EGF: variants seen among roughly 807,000 people sequenced by gnomAD.
EGF encodes epidermal growth factor.
EGF carries 95 observed loss-of-function variants against 143.8 expected under a neutral mutation model. The ratio of observed to expected loss-of-function variants is 0.66; its 90% CI spans 0.56 to 0.78. The LOEUF (loss-of-function observed/expected upper bound fraction) is 0.78, where lower values mean the gene tolerates loss of function less well. Ranked by LOEUF, EGF falls within the 30% of genes least tolerant of loss-of-function variation. EGF has a pLI of 0.00. For missense variants in EGF, 1,320 were observed against 1,470.9 expected, an observed-to-expected ratio of 0.90 and a Z score of 1.68; for synonymous variants, 510 against 510.5, an observed-to-expected ratio of 1.00 and a Z score of 0.01.
intron 1 of EGF, among the ~76,000 whole-genome samples, chr4:109,933,641 C>G (rs1418088702): frequency 6.6e-6 from 1 of 152,016 alleles, no homozygotes; most frequent in Non-Finnish European, 1.5e-5. Flanking sequence ...TCTCATTGTT[C>G]AACACCCACT....
chr4:109,987,296 C>T (rs929869788), intron 16 of EGF, among the ~76,000 whole-genome samples: 7 of 152,056 alleles, frequency 4.6e-5, no homozygotes, highest in Admixed American at 3.3e-4. Context: ...GACTTTGGGA[C>T]TATGCATCTC....
At chr4:109,980,225 G>C (rs550828651) in intron 14 of EGF, 86 bp downstream of exon 14, 8 of 1,395,996 alleles carry the variant, frequency 5.7e-6, no homozygotes, top group Non-Finnish European at 7.7e-6. Flanking sequence ...TTGGCGGGGG[G>C]GTGGAGGGGA....
chr4:109,919,780 T>C (rs1301790725), intron 1 of EGF, among the ~76,000 whole-genome samples: 1 of 151,454 alleles, frequency 6.6e-6, no homozygotes, highest in Non-Finnish European at 1.5e-5. Context: ...CAGAAAGGTC[T>C]AGGATGGAAA....
rs1333174024 is a variant in EGF, at chr4:109,944,693, C to T, written c.738-380C>T. On this transcript the variant is annotated intron_variant, in intron 4 of 23. Transcript: ENST00000265171. ...GAATTATGATGTTACATATTTTTAT[C>T]TTTCATTGATTTGCTATCATGCCAG... 3.3e-5 allele frequency among the ~76,000 whole-genome samples: 5 copies of T among 152,300 alleles called. No homozygotes were observed. In the South Asian group the frequency reaches 8.3e-4, roughly 25 times the overall value.
intron 15 of EGF, among the ~76,000 whole-genome samples, chr4:109,982,298 C>T (rs1025485868): frequency 2.0e-5 from 3 of 151,282 alleles, no homozygotes; most frequent in African/African-American, 7.3e-5. Flanking sequence ...TGTAAGCTAC[C>T]CTGCCCAGCC....
rs577493075 is a variant in EGF at position 109,983,096 on chromosome 4, G to A, written c.2372-326G>A. 7.9e-5 allele frequency among the ~76,000 whole-genome samples: 12 copies of A among 152,252 alleles called. No individual in the cohort carries two copies. The South Asian group carries it at 1.5e-3, about 18-fold the overall frequency. ...ATCATCTATTTTGTCCTTAATAACC[G>A]TGGGCTGTGATTATGAGCTGATCAT... On this transcript the variant is annotated intron_variant, in intron 15 of 23. Coordinates refer to ENST00000265171, the MANE Select transcript of EGF (RefSeq NM_001963.6).
intron 8 of EGF, among the ~76,000 whole-genome samples, chr4:109,962,217 C>T (rs1192855112): frequency 6.6e-6 from 1 of 152,138 alleles, no homozygotes; most frequent in African/African-American, 2.4e-5. Context: ...GGCTTTGAGG[C>T]TTGACAGCCC....
chr4:109,944,142 G>A (rs1742408370), intron 4 of EGF, 73 bp downstream of exon 4: 3 of 1,481,808 alleles, frequency 2.0e-6, no homozygotes, highest in African/African-American at 2.8e-5. Context: ...TTTTACTTTT[G>A]TCAATGGAAC....
At chr4:109,933,155 A>G (rs1166535476) in intron 1 of EGF, among the ~76,000 whole-genome samples, 1 of 152,210 alleles carries the variant, frequency 6.6e-6, no homozygotes, top group Non-Finnish European at 1.5e-5. Flanking sequence ...AGATGTCCAG[A>G]GAAGCGAAGC....
Position 109,976,114 on chromosome 4 carries a change from C to T in EGF, c.1932C>T (p.Pro644=), listed in dbSNP as rs769853189. Residue 644 remains proline (P), a synonymous_variant, in exon 13 of 24, where the codon CCC becomes CCT. Transcript: ENST00000265171. ...TAGCCAGCTCTGATCTAATCTGGCC[C>T]AGTGGAATAACGATTGACTTCTTAA... ...LVIASSDLIW[P]SGITIDFLTD... The T allele has an allele frequency of 1.9e-6, 3 of 1,613,986 alleles. No homozygotes were observed. The highest frequency in any genetic ancestry group is 2.5e-6 in the Non-Finnish European group (3 of 1,179,986).
Position 110,013,300 on chromosome 4 carries a change from T to G in EGF, c.*1845T>G, listed in dbSNP as rs922380873. Reference sequence around the variant, plus strand: ...GCACCTTTTTCTTTTAGGGGTTCAATGATGACAAAAGAAATGACATGAGAA... The same window carrying G: ...GCACCTTTTTCTTTTAGGGGTTCAAGGATGACAAAAGAAATGACATGAGAA... On this transcript the variant is annotated 3_prime_UTR_variant, in exon 24 of 24. Transcript: ENST00000265171. Among the ~76,000 whole-genome samples the G allele has an allele frequency of 6.6e-6, 1 of 152,138 alleles. No individual in the cohort carries two copies. Among genetic ancestry groups the G allele is most frequent in the Non-Finnish European group, 1.5e-5 (1 of 68,026 alleles).
At chr4:109,970,146 A>C (rs1280511743) in intron 11 of EGF, among the ~76,000 whole-genome samples, 1 of 152,174 alleles carries the variant, frequency 6.6e-6, no homozygotes, top group Non-Finnish European at 1.5e-5. Flanking sequence ...GGGCTACTGT[A>C]CTTGGTGTGT....
chr4:109,972,843 C>T (rs1036533867), intron 11 of EGF, among the ~76,000 whole-genome samples: 6 of 152,148 alleles, frequency 3.9e-5, no homozygotes, highest in Non-Finnish European at 8.8e-5. Flanking sequence ...TACACAGCAC[C>T]TAGAAAATAG....
At chr4:109,994,643 A>G (rs1715271869) in intron 19 of EGF, 90 bp from the exon 20 acceptor site, 3 of 1,443,014 alleles carry the variant, frequency 2.1e-6, no homozygotes, top group Middle Eastern at 3.5e-4. Flanking sequence ...TTTATGTCAC[A>G]AACTATTCAC....
intron 5 of EGF, among the ~76,000 whole-genome samples, chr4:109,948,957 T>A (rs970203931): frequency 1.3e-5 from 2 of 152,262 alleles, no homozygotes; most frequent in Admixed American, 1.3e-4. Flanking sequence ...ATAATCTGGT[T>A]GATATTATTT....
rs566086569 is a variant in EGF, at chr4:109,964,548, G to A, written c.1575+11G>A. On this transcript the variant is annotated intron_variant, in intron 10 of 23. Coordinates refer to ENST00000265171, the MANE Select transcript of EGF (RefSeq NM_001963.6). Reference sequence around the variant, plus strand: ...CCTGTGGAAAATAAGGTATGGTTTTGTTACTTGAACAGATGTGGACATGCT... The same window carrying A: ...CCTGTGGAAAATAAGGTATGGTTTTATTACTTGAACAGATGTGGACATGCT... The A allele has an allele frequency of 1.3e-4, 216 of 1,613,740 alleles. No homozygotes were observed. The South Asian group carries it at 2.3e-3, about 17-fold the overall frequency.
chr4:109,991,227 G>A (rs890773995), intron 18 of EGF, among the ~76,000 whole-genome samples: 3 of 146,386 alleles, frequency 2.0e-5, no homozygotes, highest in Non-Finnish European at 3.0e-5. Flanking sequence ...TAATATCAGT[G>A]TAAAAATTAT....
chr4:109,996,738 C>A, intron 20 of EGF, among the ~76,000 whole-genome samples: 1 of 152,146 alleles, frequency 6.6e-6, no homozygotes, highest in South Asian at 2.1e-4. Flanking sequence ...CAGGGTGCCC[C>A]CGGGGTGATG....
chr4:109,944,031 T>C lies in EGF; in HGVS notation c.699T>C (p.Tyr233=). Residue 233 remains tyrosine (Y), a synonymous_variant, in exon 4 of 24, where the codon TAT becomes TAC. Transcript: ENST00000265171. ...GSNSLICSCD[Y]DGGSVHISKH... is the part of the protein sequence containing the mutation. ...ATTCTCTTATTTGCTCCTGTGATTA[T>C]GATGGAGGTTCTGTCCACATTAGTA... 6.2e-7 allele frequency: 1 copy of C among 1,614,242 alleles called. No homozygotes were observed. Among genetic ancestry groups the C allele is most frequent in the Non-Finnish European group, 8.5e-7 (1 of 1,180,036 alleles).
Sources: allele counts gnomAD v4.1 joint callset (sites outside exome capture counted in the v4.1 genomes callset), GRCh38; gene constraint gnomAD v4.1.1; transcripts MANE v1.5; gene names NCBI Gene and HGNC (gene_info 2026-07-23, HGNC 2026-07-21).